Variants in ARHGEF12 observed in about 807,000 individuals in gnomAD.
ARHGEF12 encodes the protein KMT2A/ARHGEF12 fusion protein.
A neutral mutation model predicts 211.2 loss-of-function variants in ARHGEF12; 66 were observed. The observed-to-expected ratio is 0.31, with a 90% CI of 0.26 to 0.38. The LOEUF (loss-of-function observed/expected upper bound fraction) is 0.38. Ranked by LOEUF, ARHGEF12 falls within the 10% of genes least tolerant of loss-of-function variation. The pLI, the probability that ARHGEF12 is intolerant of heterozygous loss-of-function variation, is 1.00. For missense variants in ARHGEF12, 1,429 were observed against 1,869.5 expected, an observed-to-expected ratio of 0.76 and a Z score of 4.34; for synonymous variants, 592 against 638.4, an observed-to-expected ratio of 0.93 and a Z score of 1.09.
chr11:120,401,377 T>C (rs1944543602), intron 1 of ARHGEF12, among the ~76,000 whole-genome samples: 1 of 152,236 alleles, frequency 6.6e-6, no homozygotes, highest in African/African-American at 2.4e-5. Context: ...GCTAAATCCC[T>C]ATACTTAAGA....
chr11:120,345,652 G>A (rs909197070), intron 1 of ARHGEF12, among the ~76,000 whole-genome samples: 1 of 134,064 alleles, frequency 7.5e-6, no homozygotes, highest in African/African-American at 2.8e-5. Context: ...GCAGTGAGCC[G>A]AGATCGCGCC....
chr11:120,404,082 A>G (rs1944621257), intron 1 of ARHGEF12, among the ~76,000 whole-genome samples: 2 of 152,170 alleles, frequency 1.3e-5, no homozygotes, highest in South Asian at 2.1e-4. Flanking sequence ...TCTCCCCCAT[A>G]TTTGAGCCTG....
chr11:120,377,029 ATCCAT>A lies in ARHGEF12; in HGVS notation c.33-29087_33-29083del, dbSNP rs545353468. ...TGTGTATATGTACCGCATTTTCTTT[ATCCAT>A]TTGTCTGTTGATAGACACTTAGGTT... On this transcript the variant is annotated intron_variant, in intron 1 of 40. Transcript: ENST00000397843. 2.0e-5 allele frequency among the ~76,000 whole-genome samples: 3 copies of A among 152,204 alleles called. No individual in the cohort carries two copies. In the South Asian group the frequency reaches 6.2e-4, roughly 32 times the overall value.
At position 120,460,766 on chromosome 11, in the gene ARHGEF12, A is replaced by G. The variant is rs765901473; in HGVS notation, c.2613+9A>G. ...AAGATTTGCTGACATGGGTAAGGAA[A>G]TTTTCTGTTTCTTTTTAATATTTTT... On this transcript the variant is annotated intron_variant, in intron 27 of 40. Transcript: ENST00000397843. 2 of 1,608,426 alleles carry G rather than the reference A, an allele frequency of 1.2e-6. No homozygotes were observed. The highest frequency in any genetic ancestry group is 3.3e-5 in the Admixed American group (2 of 59,892).
In ARHGEF12 at chr11:120,424,385, A is replaced by G. The variant is rs1190373746; in HGVS notation, c.376A>G (p.Asn126Asp). ...KVNGTLVTHS[N>D]HLEVVKLIKS... ...GAATGGAACTCTGGTGACTCATTCA[A>G]ATCATCTGGAGGTGGTGAAGCTAAT... is the stretch of plus-strand genomic sequence containing the variant. The change falls in exon 7 of 41, where the codon AAT becomes GAT. Residue 126 changes from asparagine to aspartate, a missense_variant. This residue lies in a region of ARHGEF12 where 60 missense variants were observed against 121.0 expected (regional missense o/e 0.50). Transcript: ENST00000397843. 1 of 1,613,550 alleles carries G rather than the reference A, an allele frequency of 6.2e-7. No homozygotes were observed. Among genetic ancestry groups the G allele is most frequent in the Non-Finnish European group, 8.5e-7 (1 of 1,179,750 alleles).
chr11:120,481,161 C>G (rs1947223017), intron 38 of ARHGEF12, 99 bp from the exon 39 acceptor site: 5 of 1,113,688 alleles, frequency 4.5e-6, no homozygotes, highest in Non-Finnish European at 5.2e-6. Context: ...TTTTCCCTCT[C>G]TTAATAACTT....
intron 22 of ARHGEF12, among the ~76,000 whole-genome samples, chr11:120,453,460 C>A (rs1196144357): frequency 6.6e-6 from 1 of 152,124 alleles, no homozygotes; most frequent in Non-Finnish European, 1.5e-5. Context: ...TGGCTTACTC[C>A]TGTAATCCCA....
intron 1 of ARHGEF12, among the ~76,000 whole-genome samples, chr11:120,343,575 G>A (rs558960767): frequency 6.6e-6 from 1 of 152,316 alleles, no homozygotes; most frequent in African/African-American, 2.4e-5. Flanking sequence ...GATTCATACC[G>A]AAACAGGATC....
chr11:120,358,534 A>G (rs1226048703), intron 1 of ARHGEF12, among the ~76,000 whole-genome samples: 1 of 152,198 alleles, frequency 6.6e-6, no homozygotes, highest in African/African-American at 2.4e-5. Context: ...AGTATTCACT[A>G]TCTGTTGTAT....
At chr11:120,424,465 T>G (rs1213410326) in intron 7 of ARHGEF12, 50 bp downstream of exon 7, 1 of 1,545,468 alleles carries the variant, frequency 6.5e-7, no homozygotes, top group African/African-American at 1.4e-5. Context: ...ACCCTTAAAG[T>G]AAGGAGCAGC....
At chr11:120,449,055 G>A (rs763015982) in intron 20 of ARHGEF12, 54 bp from the exon 21 acceptor site, 433 of 1,485,450 alleles carry the variant, frequency 2.9e-4, no homozygotes, top group Non-Finnish European at 2.7e-4. Context: ...TATGAAAATC[G>A]CAAAAGAAAT....
At chr11:120,451,302 C>A in intron 21 of ARHGEF12, 1 of 451,588 alleles carries the variant, frequency 2.2e-6, no homozygotes, top group Non-Finnish European at 4.0e-6. Flanking sequence ...CCTCAGCCTT[C>A]CGAGTAGCTG....
chr11:120,447,737 G>A (rs1258441263), intron 18 of ARHGEF12, 137 bp from the exon 19 acceptor site: 15 of 565,022 alleles, frequency 2.7e-5, no homozygotes, highest in South Asian at 9.2e-5. Context: ...AATCACTTGC[G>A]CCCAGGAGGC....
intron 2 of ARHGEF12, 35 bp from the exon 3 acceptor site, chr11:120,407,703 T>G (rs759338592): frequency 2.0e-6 from 3 of 1,479,278 alleles, no homozygotes; most frequent in Non-Finnish European, 2.8e-6. Context: ...ATGATTTTCT[T>G]GCACTAAGCA....
rs1262975422 is a variant in ARHGEF12 at position 120,485,525 on chromosome 11, G to A, written c.*448G>A. ...AGACCTTTGTCTTTAGTACACCCAA[G>A]GATCAACTGCTCCTGAAGCAAAGAG... On this transcript the variant is annotated 3_prime_UTR_variant, in exon 41 of 41. Coordinates refer to ENST00000397843, the MANE Select transcript of ARHGEF12 (RefSeq NM_015313.3). 3 of 239,410 alleles carry A rather than the reference G, an allele frequency of 1.3e-5. No homozygotes were observed. The Admixed American group carries it at 1.7e-4, about 13-fold the overall frequency. 14.8% of individuals were successfully genotyped at this position (239,410 alleles called of 1,614,324 possible).
At chr11:120,464,776 G>A (rs1401523164) in intron 27 of ARHGEF12, 1 of 155,182 alleles carries the variant, frequency 6.4e-6, no homozygotes, top group East Asian at 1.9e-4. Context: ...GGGACACCAA[G>A]GTGGGCAGAT....
chr11:120,431,695 ATTTC>A lies in ARHGEF12; in HGVS notation c.784-72_784-69del, dbSNP rs1945540270. The A allele has an allele frequency of 2.8e-6, 4 of 1,422,772 alleles. No individual in the cohort carries two copies. In the Admixed American group the frequency reaches 1.1e-4, roughly 38 times the overall value. The allele number at this position is 1,422,772 out of a possible 1,614,324, so 88.1% of individuals were successfully genotyped here. On this transcript the variant is annotated intron_variant, in intron 10 of 40. Coordinates refer to ENST00000397843, the MANE Select transcript of ARHGEF12 (RefSeq NM_015313.3). The stretch of plus-strand genomic sequence containing the variant: ...TCTCCATGTAGATTGTAGTACCACT[ATTTC>A]TTTATGCAGCAAGTAATGAAAGTTT...
At chr11:120,380,081 TG>T (rs1243075732) in intron 1 of ARHGEF12, among the ~76,000 whole-genome samples, 2 of 152,198 alleles carry the variant, frequency 1.3e-5, no homozygotes, top group Non-Finnish European at 2.9e-5. Context: ...GTTTTCTTTG[TG>T]GAAATGTTTT....
intron 27 of ARHGEF12, 82 bp from the exon 28 acceptor site, chr11:120,465,155 A>T (rs1204038015): frequency 2.6e-6 from 4 of 1,552,992 alleles, no homozygotes; most frequent in Non-Finnish European, 2.6e-6. Context: ...TATTGAAAGG[A>T]TTCTGGTTGT....
Sources: gnomAD v4.1 joint callset for allele counts (sites outside exome capture counted in the v4.1 genomes callset) on GRCh38, gnomAD v4.1.1 for gene constraint, gnomAD v4.1.1 regional missense constraint, MANE v1.5 for transcripts, NCBI Gene and HGNC (gene_info 2026-07-23, HGNC 2026-07-21) for gene names.